The following BFSP1 variants were observed in gnomAD, a reference collection of about 807,000 sequenced individuals.
BFSP1 encodes beaded filament structural protein 1, also known as filensin.
BFSP1 carries 38 observed loss-of-function variants against 43.9 expected under a neutral mutation model. That is an observed-to-expected ratio of 0.87 (90% CI 0.67 to 1.14). The LOEUF (loss-of-function observed/expected upper bound fraction) is 1.14. BFSP1 is among the 50% of genes most tolerant of loss of function. BFSP1 has a pLI of 0.00. For synonymous variants in BFSP1, 352 were observed against 354.8 expected, an observed-to-expected ratio of 0.99 and a Z score of 0.09; for missense variants, 850 against 875.1, an observed-to-expected ratio of 0.97 and a Z score of 0.36.
At chr20:17,558,883 G>T in exon 1 of BFSP1, 1 of 662,466 alleles carries the variant, frequency 1.5e-6, no homozygotes, top group Admixed American at 3.5e-5. Flanking sequence ...CTGGCTCAAG[G>T]GGTGGGAGGG....
intron 5 of BFSP1, among the ~76,000 whole-genome samples, chr20:17,501,335 C>T (rs923467674): frequency 1.3e-5 from 2 of 152,284 alleles, no homozygotes; most frequent in East Asian, 1.9e-4. Context: ...GAGGCCAAGG[C>T]GGGCAGATCA....
At chr20:17,535,617 CAT>C (rs1264774887), upstream of BFSP1, among the ~76,000 whole-genome samples, 1 of 151,866 alleles carries the variant, frequency 6.6e-6, no homozygotes, top group Non-Finnish European at 1.5e-5. Flanking sequence ...AATAAAATGA[CAT>C]GTATAAATAT....
intron 5 of BFSP1, 102 bp from the exon 6 acceptor site, chr20:17,499,142 G>T: frequency 2.0e-6 from 2 of 1,008,294 alleles, no homozygotes; most frequent in South Asian, 1.4e-5. Flanking sequence ...GTTTTATGTT[G>T]TTTGTGTGTT....
intron 4 of BFSP1, among the ~76,000 whole-genome samples, chr20:17,511,639 G>A (rs2034081403): frequency 1.3e-5 from 2 of 152,174 alleles, no homozygotes; most frequent in Non-Finnish European, 2.9e-5. Context: ...AAACCCTCAC[G>A]CATTGTGGGT....
intron 5 of BFSP1, among the ~76,000 whole-genome samples, chr20:17,499,403 C>CTTTTTTT (rs34583097): frequency 8.5e-5 from 7 of 82,072 alleles, no homozygotes; most frequent in South Asian, 4.4e-4. Flanking sequence ...ACATGCTGGG[C>CTTTTTTT]TTTTTTTTTT....
upstream of BFSP1, chr20:17,560,509 T>C (rs2035057565): frequency 6.6e-6 from 1 of 152,216 alleles, no homozygotes; most frequent in Admixed American, 6.5e-5. Flanking sequence ...TCCTTATTCA[T>C]CTTCATATTC....
intron 2 of BFSP1, among the ~76,000 whole-genome samples, chr20:17,517,963 G>C (rs937148890): frequency 4.6e-5 from 7 of 152,090 alleles, no homozygotes; most frequent in African/African-American, 1.2e-4. Context: ...AGGAACTCTC[G>C]ACAGAAGAAG....
At chr20:17,537,499 A>G (rs1049254323) in intron 1 of BFSP1, among the ~76,000 whole-genome samples, 1 of 151,688 alleles carries the variant, frequency 6.6e-6, no homozygotes, top group Non-Finnish European at 1.5e-5. Context: ...CTGAGATTCA[A>G]ACACTATCAA....
At chr20:17,563,956 G>A (rs1210870474), upstream of BFSP1, among the ~76,000 whole-genome samples, 1 of 151,552 alleles carries the variant, frequency 6.6e-6, no homozygotes, top group Non-Finnish European at 1.5e-5. Flanking sequence ...CCTAAAATGT[G>A]GAAGTAATAG....
intron 2 of BFSP1, among the ~76,000 whole-genome samples, chr20:17,522,573 A>G (rs972065629): frequency 6.6e-6 from 1 of 152,234 alleles, no homozygotes; most frequent in African/African-American, 2.4e-5. Flanking sequence ...ATCATAAAAA[A>G]TTCACAACTA....
intron 2 of BFSP1, chr20:17,516,840 A>G (rs2123498758): frequency 1.6e-6 from 1 of 626,964 alleles, no homozygotes; most frequent in Non-Finnish European, 2.9e-6. Flanking sequence ...AGCTGCCACC[A>G]AAATGCAGAT....
chr20:17,562,156 G>A (rs538880875), upstream of BFSP1, among the ~76,000 whole-genome samples: 4 of 151,836 alleles, frequency 2.6e-5, no homozygotes, highest in East Asian at 4.0e-4. Context: ...TCCTGACCTC[G>A]TGATCGGTCC....
At chr20:17,566,702 T>C (rs1017509554) in intron 1 of BFSP1, among the ~76,000 whole-genome samples, 1 of 152,198 alleles carries the variant, frequency 6.6e-6, no homozygotes, top group East Asian at 1.9e-4. Flanking sequence ...TTGCCCAGGA[T>C]GGAGTGCAGT....
At chr20:17,542,705 C>A (rs1345559391) in intron 1 of BFSP1, among the ~76,000 whole-genome samples, 1 of 152,154 alleles carries the variant, frequency 6.6e-6, no homozygotes, top group African/African-American at 2.4e-5. Flanking sequence ...TCCTCAGTCT[C>A]ATTAAGCTCA....
intron 1 of BFSP1, among the ~76,000 whole-genome samples, chr20:17,551,116 T>G (rs1031993365): frequency 6.6e-6 from 1 of 152,226 alleles, no homozygotes; most frequent in South Asian, 2.1e-4. Flanking sequence ...GTGCCTGTAT[T>G]AGGCCATACT....
At chr20:17,547,922 A>C (rs1439740661) in intron 1 of BFSP1, among the ~76,000 whole-genome samples, 39 of 72,896 alleles carry the variant, frequency 5.4e-4, no homozygotes, top group Non-Finnish European at 7.9e-4. Flanking sequence ...TTTTTTTTGT[A>C]TTTTTAGTAG....
chr20:17,536,545 A>AAT (rs2034631603), intron 1 of BFSP1, among the ~76,000 whole-genome samples: 1 of 152,254 alleles, frequency 6.6e-6, no homozygotes, highest in Non-Finnish European at 1.5e-5. Context: ...AAATAAATAA[A>AAT]ATAAAGTTAT....
chr20:17,535,458 G>T (rs1191036000), upstream of BFSP1, among the ~76,000 whole-genome samples: 1 of 152,192 alleles, frequency 6.6e-6, no homozygotes, highest in Non-Finnish European at 1.5e-5. Context: ...TTGAACCCAG[G>T]AGGCAGAGGT....
At chr20:17,565,782 A>G (rs2035111616) in intron 1 of BFSP1, 1 of 152,226 alleles carries the variant, frequency 6.6e-6, no homozygotes. Context: ...CTTTTACAAT[A>G]AAACTACACT....
Sources: allele counts gnomAD v4.1 joint callset (sites outside exome capture counted in the v4.1 genomes callset), GRCh38; gene constraint gnomAD v4.1.1; transcripts MANE v1.5; gene names NCBI Gene and HGNC (gene_info 2026-07-23, HGNC 2026-07-21).